The following HK2 variants were observed in gnomAD, a reference collection of about 807,000 sequenced individuals.
HK2 encodes hexokinase 2, also known as hexokinase-2.
A neutral mutation model predicts 92.9 loss-of-function variants in HK2; 42 were observed. That is an observed-to-expected ratio of 0.45 (90% confidence interval 0.35 to 0.58). HK2 has a LOEUF of 0.58. Ranked by LOEUF, HK2 falls within the 20% of genes least tolerant of loss-of-function variation. The pLI is 0.00. For synonymous variants in HK2, 422 were observed against 468.0 expected (o/e 0.90, Z 1.27); for missense variants, 978 against 1,245.1 (o/e 0.79, Z 3.23).
At chr2:74,857,729 G>T (rs1291171738) in intron 2 of HK2, among the ~76,000 whole-genome samples, 4 of 152,160 alleles carry the variant, frequency 2.6e-5, no homozygotes, top group African/African-American at 7.2e-5. Flanking sequence ...TCAGTTGGGG[G>T]TATGAGTTAT....
At chr2:74,864,583 T>C (rs188659416) in intron 2 of HK2, among the ~76,000 whole-genome samples, 21 of 152,320 alleles carry the variant, frequency 1.4e-4, no homozygotes, top group Admixed American at 3.9e-4. Flanking sequence ...CTCAGTTCAC[T>C]GCAACCTCCA....
chr2:74,864,970 G>C (rs1166519609), intron 2 of HK2, among the ~76,000 whole-genome samples: 2 of 151,400 alleles, frequency 1.3e-5, no homozygotes, highest in African/African-American at 4.9e-5. Flanking sequence ...CTGCTGAGCT[G>C]GAATTCAAAA....
At position 74,882,401 on chromosome 2, in the gene HK2, G is replaced by C. The variant is rs918229606; in HGVS notation, c.1839+162G>C. 7.3e-5 allele frequency: 31 copies of C among 426,272 alleles called. 1 individual carries two copies. The highest frequency in any genetic ancestry group is 3.9e-4 in the South Asian group (4 of 10,190). The allele number at this position is 426,272 out of a possible 1,614,324, so 26.4% of individuals were successfully genotyped here. ...TCCTTGATGGGAATGAGTAAGTTGA[G>C]GCTGGTGGAGGTTAAGTAGGTTAGC... On this transcript the variant is annotated intron_variant, in intron 12 of 17. Transcript: ENST00000290573.
At chr2:74,882,605 T>TTATATATATATATATATATATA (rs141761906) in intron 12 of HK2, among the ~76,000 whole-genome samples, 1,171 of 75,494 alleles carry the variant, frequency 0.016, 164 homozygotes, top group South Asian at 0.048. Flanking sequence ...TCTATTGAAC[T>TTATATATATATATATATATATA]TATATATATA....
intron 8 of HK2, among the ~76,000 whole-genome samples, chr2:74,877,917 TGAA>T (rs1689274127): frequency 6.6e-6 from 1 of 152,170 alleles, no homozygotes; most frequent in East Asian, 1.9e-4. Context: ...ACTTGTAGAT[TGAA>T]GAAGTCCTGG....
At chr2:74,866,811 G>A (rs1047285792) in intron 2 of HK2, among the ~76,000 whole-genome samples, 1 of 152,164 alleles carries the variant, frequency 6.6e-6, no homozygotes, top group Non-Finnish European at 1.5e-5. Context: ...GATCCTTTGA[G>A]GGGGCACCTG....
chr2:74,865,640 T>A (rs555877803), intron 2 of HK2, among the ~76,000 whole-genome samples: 1 of 152,234 alleles, frequency 6.6e-6, no homozygotes, highest in African/African-American at 2.4e-5. Context: ...GCGATGTTGC[T>A]GTAGCTAGCC....
chr2:74,886,287 C>T lies in HK2; in HGVS notation c.1936-7C>T. On this transcript the variant is annotated splice_polypyrimidine_tract_variant and splice_region_variant and intron_variant, in intron 13 of 17. Transcript: ENST00000290573. ...TGTGAACTGGGCATCTGCTTCTTCC[C>T]TCTCAGGAGTTTGACCTGGATGTGG... 6.2e-7 allele frequency: 1 copy of T among 1,612,244 alleles called. No homozygotes were observed. The highest frequency in any genetic ancestry group is 8.5e-7 in the Non-Finnish European group (1 of 1,178,296).
chr2:74,840,363 A>G (rs1355077168), intron 1 of HK2, among the ~76,000 whole-genome samples: 2 of 151,888 alleles, frequency 1.3e-5, no homozygotes, highest in Non-Finnish European at 2.9e-5. Context: ...AATCAGAGCA[A>G]CACAAACCAC....
At chr2:74,881,053 T>C (rs1332947856) in intron 10 of HK2, among the ~76,000 whole-genome samples, 2 of 124,610 alleles carry the variant, frequency 1.6e-5, no homozygotes, top group Non-Finnish European at 3.4e-5. Context: ...GCCCACCACC[T>C]GTTTTTGTAC....
intron 13 of HK2, 149 bp downstream of exon 13, chr2:74,885,738 CTG>C: frequency 1.4e-6 from 1 of 701,852 alleles, no homozygotes. Flanking sequence ...TTAGTGTGCA[CTG>C]TGTGTCAAGC....
At chr2:74,840,162 G>A (rs2103831600) in intron 1 of HK2, among the ~76,000 whole-genome samples, 1 of 148,642 alleles carries the variant, frequency 6.7e-6, no homozygotes, top group South Asian at 2.1e-4. Flanking sequence ...TTTTCACTGT[G>A]TTAGCCAGGA....
intron 2 of HK2, among the ~76,000 whole-genome samples, chr2:74,858,198 T>C (rs1209902599): frequency 6.6e-6 from 1 of 152,176 alleles, no homozygotes; most frequent in African/African-American, 2.4e-5. Flanking sequence ...CATGATGAAG[T>C]TGGGTTTGTC....
intron 1 of HK2, among the ~76,000 whole-genome samples, chr2:74,851,458 G>C (rs985589579): frequency 6.6e-6 from 1 of 152,246 alleles, no homozygotes; most frequent in Admixed American, 6.5e-5. Context: ...AGGATGAGAA[G>C]TGTCTGACTG....
At chr2:74,861,166 G>A (rs910355914) in intron 2 of HK2, among the ~76,000 whole-genome samples, 2 of 152,306 alleles carry the variant, frequency 1.3e-5, no homozygotes, top group South Asian at 2.1e-4. Flanking sequence ...GGTGGCTTAC[G>A]CCTGTAATCC....
At chr2:74,851,266 G>GAACA (rs1352414322) in intron 1 of HK2, among the ~76,000 whole-genome samples, 6 of 152,204 alleles carry the variant, frequency 3.9e-5, no homozygotes, top group Non-Finnish European at 8.8e-5. Flanking sequence ...AGACAATGGA[G>GAACA]AACAGGTCAG....
chr2:74,883,441 T>C (rs919745140), intron 12 of HK2, among the ~76,000 whole-genome samples: 12 of 152,198 alleles, frequency 7.9e-5, no homozygotes, highest in Admixed American at 7.9e-4. Flanking sequence ...GTGAGCAGGC[T>C]GCCCATTGTG....
intron 11 of HK2, 32 bp downstream of exon 11, chr2:74,881,891 C>G: frequency 6.2e-7 from 1 of 1,611,556 alleles, no homozygotes; most frequent in Admixed American, 1.7e-5. Flanking sequence ...GGAGGGGGCC[C>G]CTGGTGGACG....
chr2:74,834,443 T>C lies in HK2; in HGVS notation c.-138T>C. 1 of 844,786 alleles carries C rather than the reference T, an allele frequency of 1.2e-6. No homozygotes were observed. Among genetic ancestry groups the C allele is most frequent in the Non-Finnish European group, 2.0e-6 (1 of 508,756 alleles). The allele number at this position is 844,786 out of a possible 1,614,324, so 52.3% of individuals were successfully genotyped here. A position where few individuals can be genotyped will look rare whatever the true frequency, so the allele number is the denominator to read the frequency against. On this transcript the variant is annotated 5_prime_UTR_variant, in exon 1 of 18. Transcript: ENST00000290573. The surrounding 1 kb of genome is among the most constrained non-coding windows in gnomAD (Gnocchi z 4.2). Reference sequence around the variant, plus strand: ...CCGGGCGCACCCTCGCCGGTAGCCTTCTTTGTGCGCCGTCCGGACTCCCAG... The same window carrying C: ...CCGGGCGCACCCTCGCCGGTAGCCTCCTTTGTGCGCCGTCCGGACTCCCAG...
Sources: allele counts gnomAD v4.1 joint callset (sites outside exome capture counted in the v4.1 genomes callset), GRCh38; gene constraint gnomAD v4.1.1; non-coding constraint Gnocchi (gnomAD v3.1); transcripts MANE v1.5; gene names NCBI Gene and HGNC (gene_info 2026-07-23, HGNC 2026-07-21).